TMEM116: variants seen among roughly 807,000 people sequenced by gnomAD.
TMEM116 encodes transmembrane protein 116.
Under a neutral mutation model 44.3 loss-of-function variants are expected in TMEM116, and 38 were observed. The ratio of observed to expected loss-of-function variants is 0.86; its 90% CI spans 0.66 to 1.12. TMEM116 has a LOEUF of 1.12. TMEM116 is among the 50% of genes most tolerant of loss of function. The pLI is 0.00. For missense variants in TMEM116, 354 were observed against 401.7 expected (o/e 0.88, Z 1.01); for synonymous variants, 132 against 144.8 (o/e 0.91, Z 0.64).
intron 9 of TMEM116, 23 bp from the exon 10 acceptor site, chr12:111,932,682 CCTT>C (rs1411197304): frequency 6.2e-7 from 1 of 1,604,382 alleles, no homozygotes. Flanking sequence ...AAAGTGTAAA[CCTT>C]CTTGTCAGCC....
chr12:111,958,036 G>C (rs1300327135), intron 4 of TMEM116, among the ~76,000 whole-genome samples: 2 of 151,934 alleles, frequency 1.3e-5, no homozygotes, highest in Admixed American at 6.6e-5. Context: ...GATTAAGGGC[G>C]GTGCAAGATG....
intron 5 of TMEM116, among the ~76,000 whole-genome samples, chr12:111,940,498 C>CACACACACAG (rs1428367550): frequency 8.4e-6 from 1 of 118,900 alleles, no homozygotes. Flanking sequence ...CACACACACA[C>CACACACACAG]ATATATATAC....
At position 111,955,859 on chromosome 12, in the gene TMEM116, T is replaced by C. The variant is rs571718265; in HGVS notation, c.211-12490A>G. 2.6e-5 allele frequency among the ~76,000 whole-genome samples: 4 copies of C among 152,358 alleles called. No homozygotes were observed. The South Asian group carries it at 6.2e-4, about 24-fold the overall frequency. On this transcript the variant is annotated intron_variant, in intron 4 of 10. Transcript: ENST00000552374. The stretch of plus-strand genomic sequence containing the variant: ...TACAGTAACATGTTGTTTAGGTTTA[T>C]AGCCTAGGAGCTGTAGGCTATACCA...
chr12:111,941,137 G>C (rs890260846), intron 5 of TMEM116, among the ~76,000 whole-genome samples: 1 of 152,204 alleles, frequency 6.6e-6, no homozygotes, highest in Non-Finnish European at 1.5e-5. Context: ...CAGCACTTTG[G>C]GGGGCTGAGG....
intron 4 of TMEM116, among the ~76,000 whole-genome samples, chr12:111,969,407 T>C (rs986229276): frequency 6.8e-6 from 1 of 146,820 alleles, no homozygotes; most frequent in African/African-American, 2.5e-5. Context: ...TGTTTATTTA[T>C]TTTTTTTTTT....
intron 4 of TMEM116, chr12:111,965,761 TAA>T (rs59183823): frequency 1.0e-3 from 333 of 330,404 alleles, no homozygotes; most frequent in East Asian, 8.7e-3. Flanking sequence ...CCGTCTCCCC[TAA>T]AAAAAAAAAT....
chr12:111,979,125 G>A (rs1012478005), intron 4 of TMEM116, among the ~76,000 whole-genome samples: 1 of 151,910 alleles, frequency 6.6e-6, no homozygotes, highest in Non-Finnish European at 1.5e-5. Flanking sequence ...ATCCATGAAA[G>A]AAAAAATGGA....
intron 8 of TMEM116, 187 bp downstream of exon 8, chr12:111,936,505 T>C (rs752242289): frequency 1.6e-5 from 9 of 557,964 alleles, no homozygotes; most frequent in Admixed American, 1.1e-4. Context: ...CTCTCTCTTA[T>C]CATTTGATTT....
At chr12:111,976,189 G>A (rs935659596) in intron 4 of TMEM116, among the ~76,000 whole-genome samples, 1 of 151,938 alleles carries the variant, frequency 6.6e-6, no homozygotes, top group Non-Finnish European at 1.5e-5. Context: ...TGTACTTTTA[G>A]TAGAGATAGG....
Position 112,005,307 on chromosome 12 carries a change from A to G in TMEM116, c.-33-4T>C. The G allele has an allele frequency of 7.7e-7, 1 of 1,298,766 alleles. No individual in the cohort carries two copies. Among genetic ancestry groups the G allele is most frequent in the South Asian group, 2.4e-5 (1 of 41,230 alleles). 80.5% of individuals were successfully genotyped at this position (1,298,766 alleles called of 1,614,324 possible). A position where few individuals can be genotyped will look rare whatever the true frequency, so the allele number is the denominator to read the frequency against. On this transcript the variant is annotated splice_region_variant and splice_polypyrimidine_tract_variant and intron_variant, in intron 1 of 10. Transcript: ENST00000552374. ...TCCACTGTATTGCAGGAAGAACCTA[A>G]GCAAAACAAGGAAAACGGAATAAAA...
chr12:111,950,914 A>C (rs1026206483), intron 4 of TMEM116, among the ~76,000 whole-genome samples: 1 of 152,226 alleles, frequency 6.6e-6, no homozygotes, highest in Admixed American at 6.5e-5. Flanking sequence ...AAAGAAAGAA[A>C]ATTCTTGCAA....
At position 111,969,934 on chromosome 12, in the gene TMEM116, A is replaced by G. The variant is rs538515012; in HGVS notation, c.210+21824T>C. Among the ~76,000 whole-genome samples, 26 of 152,266 alleles carry G rather than the reference A, an allele frequency of 1.7e-4. No homozygotes were observed. The South Asian group carries it at 3.9e-3, about 23-fold the overall frequency. Reference sequence around the variant, plus strand: ...TTAAGGACAGATAAGACATTGCAGAAGAAAAATTAATGAACTTCAAAGTGT... The same window carrying G: ...TTAAGGACAGATAAGACATTGCAGAGGAAAAATTAATGAACTTCAAAGTGT... On this transcript the variant is annotated intron_variant, in intron 4 of 10. Transcript: ENST00000552374.
intron 1 of TMEM116, among the ~76,000 whole-genome samples, chr12:112,007,274 CG>C (rs1375431054): frequency 2.6e-5 from 4 of 152,002 alleles, no homozygotes; most frequent in Non-Finnish European, 5.9e-5. Context: ...ATAAGCCAGG[CG>C]GGGTGGCATG....
intron 1 of TMEM116, among the ~76,000 whole-genome samples, chr12:112,006,668 C>A (rs960027562): frequency 1.3e-5 from 2 of 152,082 alleles, no homozygotes; most frequent in Non-Finnish European, 2.9e-5. Flanking sequence ...GGCCTGAATA[C>A]CAAAAATTCA....
intron 3 of TMEM116, among the ~76,000 whole-genome samples, chr12:111,998,841 GA>G (rs2077068154): frequency 6.6e-6 from 1 of 152,060 alleles, no homozygotes; most frequent in South Asian, 2.1e-4. Context: ...GGGAAAGGGG[GA>G]AAGGAAAGGA....
intron 3 of TMEM116, among the ~76,000 whole-genome samples, chr12:111,995,243 G>C (rs1162889876): frequency 6.6e-6 from 1 of 152,096 alleles, no homozygotes; most frequent in African/African-American, 2.4e-5. Context: ...CTAGTACAGG[G>C]ATGGACAAAT....
chr12:111,991,936 G>A, intron 3 of TMEM116, 47 bp from the exon 4 acceptor site: 1 of 1,509,660 alleles, frequency 6.6e-7, no homozygotes, highest in Non-Finnish European at 8.9e-7. Flanking sequence ...GTAGCTAGGA[G>A]AATGTTAACA....
intron 3 of TMEM116, among the ~76,000 whole-genome samples, chr12:112,001,958 T>G (rs773940857): frequency 6.6e-6 from 1 of 152,190 alleles, no homozygotes; most frequent in Admixed American, 6.5e-5. Flanking sequence ...CTCCAACACT[T>G]ACTAGCTGTA....
At chr12:112,004,799 GT>G (rs1275087600) in intron 2 of TMEM116, among the ~76,000 whole-genome samples, 3 of 151,516 alleles carry the variant, frequency 2.0e-5, no homozygotes, top group Non-Finnish European at 4.4e-5. Flanking sequence ...GGGTTTTTTT[GT>G]TTGTTTTGTT....
Sources: allele counts gnomAD v4.1 joint callset (sites outside exome capture counted in the v4.1 genomes callset), GRCh38; gene constraint gnomAD v4.1.1; transcripts MANE v1.5; gene names NCBI Gene and HGNC (gene_info 2026-07-23, HGNC 2026-07-21).